The following DLGAP1 variants were observed in gnomAD, a reference collection of about 807,000 sequenced individuals.
DLGAP1 encodes the protein disks large-associated protein 1.
A neutral mutation model predicts 90.8 loss-of-function variants in DLGAP1; 11 were observed. The ratio of observed to expected loss-of-function variants is 0.12; its 90% CI spans 0.08 to 0.20. The LOEUF (loss-of-function observed/expected upper bound fraction) is 0.20, where lower values mean the gene tolerates loss of function less well. Among genes scored for constraint, DLGAP1 ranks in the 10% least tolerant of loss-of-function variants. The probability of loss-of-function intolerance (pLI) is 1.00; values close to 1 mark genes in which losing one functional copy is unlikely to be tolerated. For missense variants in DLGAP1, 1,050 were observed against 1,333.8 expected (o/e 0.79, Z 3.31); for synonymous variants, 558 against 540.7 (o/e 1.03, Z -0.44).
At chr18:3,567,942 G>C (rs561118353) in intron 8 of DLGAP1, among the ~76,000 whole-genome samples, 1 of 151,934 alleles carries the variant, frequency 6.6e-6, no homozygotes, top group Non-Finnish European at 1.5e-5. Context: ...TCTGTCGCCC[G>C]GGCTGGAGTG....
At chr18:4,226,966 C>T (rs1317902297) in intron 1 of DLGAP1, among the ~76,000 whole-genome samples, 1 of 151,658 alleles carries the variant, frequency 6.6e-6, no homozygotes, top group Non-Finnish European at 1.5e-5. Flanking sequence ...ACAAGAAGGG[C>T]ACTTCACCTA....
intron 1 of DLGAP1, among the ~76,000 whole-genome samples, chr18:4,205,314 T>C (rs1430810488): frequency 6.6e-6 from 1 of 151,980 alleles, no homozygotes. Flanking sequence ...AGGGGTGCCA[T>C]GGTGGTGTGT....
chr18:3,993,967 C>G (rs1486738227), intron 3 of DLGAP1, among the ~76,000 whole-genome samples: 1 of 152,182 alleles, frequency 6.6e-6, no homozygotes, highest in Non-Finnish European at 1.5e-5. Context: ...TTTCCCTCCA[C>G]TGTTGTTTTC....
intron 1 of DLGAP1, among the ~76,000 whole-genome samples, chr18:4,422,549 A>G (rs990637460): frequency 3.3e-5 from 5 of 152,034 alleles, no homozygotes; most frequent in African/African-American, 1.2e-4. Flanking sequence ...TTTTCTTCAA[A>G]GTACATTTAT....
chr18:4,075,647 C>A (rs1314690910), intron 2 of DLGAP1, among the ~76,000 whole-genome samples: 1 of 152,164 alleles, frequency 6.6e-6, no homozygotes, highest in Admixed American at 6.5e-5. Flanking sequence ...CTGGTTTTGT[C>A]TGGCATTATT....
intron 1 of DLGAP1, among the ~76,000 whole-genome samples, chr18:4,325,363 TACAA>T (rs2080794066): frequency 6.6e-6 from 1 of 151,894 alleles, no homozygotes. Context: ...TCAGAGATGA[TACAA>T]ACAAATGAAA....
chr18:4,006,613 A>G lies in DLGAP1; in HGVS notation c.-158-1412T>C, dbSNP rs542595123. On this transcript the variant is annotated intron_variant, in intron 2 of 12. Coordinates refer to ENST00000315677, the MANE Select transcript of DLGAP1 (RefSeq NM_004746.4). ...CCCTTTTGAGTTATGTGTCCCTGGG[A>G]AAATTAGTGCCTCTGTTCCCCACCC... 6.6e-5 allele frequency among the ~76,000 whole-genome samples: 10 copies of G among 151,074 alleles called. No homozygotes were observed. The East Asian group carries it at 1.9e-3, about 29-fold the overall frequency.
chr18:4,178,250 C>T (rs1220427042), intron 1 of DLGAP1, among the ~76,000 whole-genome samples: 3 of 144,202 alleles, frequency 2.1e-5, no homozygotes, highest in Admixed American at 1.4e-4. Flanking sequence ...CACACACACA[C>T]ACACATTAGA....
chr18:4,413,708 G>A (rs2082831544), intron 1 of DLGAP1, among the ~76,000 whole-genome samples: 1 of 152,144 alleles, frequency 6.6e-6, no homozygotes, highest in Non-Finnish European at 1.5e-5. Flanking sequence ...GTATTAGGAC[G>A]GGGTTTCCTT....
At chr18:3,542,627 C>T (rs2052756120) in intron 9 of DLGAP1, among the ~76,000 whole-genome samples, 1 of 152,180 alleles carries the variant, frequency 6.6e-6, no homozygotes, top group Non-Finnish European at 1.5e-5. Context: ...AGACCAGTAG[C>T]TTCTTTGCAT....
intron 7 of DLGAP1, among the ~76,000 whole-genome samples, chr18:3,641,467 G>C (rs183483731): frequency 5.5e-4 from 83 of 149,716 alleles, no homozygotes; most frequent in African/African-American, 2.0e-3. Context: ...AACCCGGGAG[G>C]AGGAGGTTGC....
intron 4 of DLGAP1, among the ~76,000 whole-genome samples, chr18:3,826,903 A>G (rs769800512): frequency 1.3e-5 from 2 of 152,066 alleles, no homozygotes; most frequent in African/African-American, 4.8e-5. Context: ...CGGTGGAGGG[A>G]GAAGATAGGG....
chr18:3,749,206 G>A (rs1419005399), intron 5 of DLGAP1, among the ~76,000 whole-genome samples: 1 of 141,778 alleles, frequency 7.1e-6, no homozygotes, highest in Non-Finnish European at 1.5e-5. Context: ...CTGGAGTGCA[G>A]TGGTGCAATC....
At chr18:4,124,972 G>A (rs1374070905) in intron 2 of DLGAP1, among the ~76,000 whole-genome samples, 2 of 152,182 alleles carry the variant, frequency 1.3e-5, no homozygotes, top group Admixed American at 1.3e-4. Flanking sequence ...CTCGAGCATG[G>A]CAAGCAAGCA....
At chr18:4,030,023 C>T (rs898198671) in intron 2 of DLGAP1, among the ~76,000 whole-genome samples, 5 of 152,152 alleles carry the variant, frequency 3.3e-5, no homozygotes, top group African/African-American at 2.4e-5. Context: ...ACGGGAGTCT[C>T]GCTCTGTCAC....
intron 4 of DLGAP1, among the ~76,000 whole-genome samples, chr18:3,857,496 T>G (rs935560585): frequency 3.3e-5 from 5 of 150,604 alleles, no homozygotes; most frequent in Middle Eastern, 3.3e-3. Context: ...AGGAAACTCT[T>G]GGCATGTGCA....
intron 3 of DLGAP1, among the ~76,000 whole-genome samples, chr18:3,916,757 T>C (rs577532015): frequency 9.9e-5 from 15 of 152,230 alleles, no homozygotes; most frequent in African/African-American, 3.4e-4. Context: ...TAGGAGCTGA[T>C]GTTTGTAGAA....
intron 5 of DLGAP1, among the ~76,000 whole-genome samples, chr18:3,790,660 T>A (rs1310092989): frequency 6.6e-6 from 1 of 152,192 alleles, no homozygotes; most frequent in Non-Finnish European, 1.5e-5. Flanking sequence ...GAAACAGACA[T>A]CAGATTTAAC....
intron 1 of DLGAP1, among the ~76,000 whole-genome samples, chr18:4,321,527 C>T (rs1447525574): frequency 6.6e-6 from 1 of 152,128 alleles, no homozygotes; most frequent in Non-Finnish European, 1.5e-5. Flanking sequence ...AGTCCCCACC[C>T]CACAGATCCT....
Sources: gnomAD v4.1 joint callset for allele counts (sites outside exome capture counted in the v4.1 genomes callset) on GRCh38, gnomAD v4.1.1 for gene constraint, MANE v1.5 for transcripts, NCBI Gene and HGNC (gene_info 2026-07-23, HGNC 2026-07-21) for gene names.